Variants in SMCHD1 observed in about 807,000 individuals in gnomAD.
The protein encoded by SMCHD1 is structural maintenance of chromosomes flexible hinge domain-containing protein 1.
SMCHD1 carries 78 observed loss-of-function variants against 254.7 expected under a neutral mutation model. The observed-to-expected ratio is 0.31, with a 90% confidence interval of 0.26 to 0.37. SMCHD1 has a LOEUF of 0.37. Ranked by LOEUF, SMCHD1 falls within the 10% of genes least tolerant of loss-of-function variation. The pLI is 1.00. For missense variants in SMCHD1, 1,840 were observed against 2,408.1 expected, an observed-to-expected ratio of 0.76 and a Z score of 4.94; for synonymous variants, 766 against 794.9, an observed-to-expected ratio of 0.96 and a Z score of 0.61.
At chr18:2,664,687 C>G (rs1289405130) in intron 1 of SMCHD1, among the ~76,000 whole-genome samples, 1 of 152,198 alleles carries the variant, frequency 6.6e-6, no homozygotes, top group Non-Finnish European at 1.5e-5. Context: ...GTGGGTGTTT[C>G]ACCCACTCAT....
intron 25 of SMCHD1, 45 bp from the exon 26 acceptor site, chr18:2,738,352 A>T: frequency 9.2e-7 from 1 of 1,083,186 alleles, no homozygotes; most frequent in Non-Finnish European, 1.2e-6. Flanking sequence ...GTAAGAGAAC[A>T]TTAGACGAAG....
chr18:2,703,851 G>C lies in SMCHD1; in HGVS notation c.1807G>C (p.Glu603Gln). The change falls in exon 13 of 48, where the codon GAA becomes CAA. Residue 603 changes from glutamate to glutamine, a missense_variant. Physicochemically the swap from Glu to Gln is conservative, Grantham distance 29 (BLOSUM62 2). Around this residue, in one of 9 missense-constraint regions of SMCHD1, gnomAD observed 498 missense variants for 743.5 expected, o/e 0.67. Transcript: ENST00000320876. ...QGPWATYAAI[E>Q]WDGKIYKAGQ... The stretch of plus-strand genomic sequence containing the variant: ...TCCCTGGGCAACATATGCAGCAATA[G>C]AATGGGATGGAAAGATATACAAAGC... The C allele has an allele frequency of 6.2e-7, 1 of 1,610,270 alleles. No individual in the cohort carries two copies. Among genetic ancestry groups the C allele is most frequent in the Non-Finnish European group, 8.5e-7 (1 of 1,178,492 alleles).
intron 12 of SMCHD1, among the ~76,000 whole-genome samples, chr18:2,702,533 G>A (rs1041603477): frequency 1.3e-5 from 2 of 151,408 alleles, no homozygotes; most frequent in African/African-American, 4.8e-5. Flanking sequence ...CAGACTTTCT[G>A]GTTCCTAGTT....
intron 44 of SMCHD1, among the ~76,000 whole-genome samples, chr18:2,783,063 T>C (rs1289842929): frequency 6.6e-6 from 1 of 152,224 alleles, no homozygotes; most frequent in African/African-American, 2.4e-5. Flanking sequence ...CAATATTAGG[T>C]TGGACTACGT....
At chr18:2,688,358 C>A in intron 5 of SMCHD1, 36 bp from the exon 6 acceptor site, 1 of 1,457,888 alleles carries the variant, frequency 6.9e-7, no homozygotes, top group Non-Finnish European at 9.6e-7. Context: ...ACTTAACTAG[C>A]TTGTTTAAAA....
At chr18:2,729,229 A>G (rs539169749) in intron 23 of SMCHD1, 46 bp from the exon 24 acceptor site, 2 of 1,349,090 alleles carry the variant, frequency 1.5e-6, no homozygotes, top group South Asian at 3.8e-5. Context: ...GGAAGAATCA[A>G]ATATATTTAA....
chr18:2,773,075 T>G (rs2076010523), intron 41 of SMCHD1, among the ~76,000 whole-genome samples: 1 of 152,238 alleles, frequency 6.6e-6, no homozygotes, highest in Non-Finnish European at 1.5e-5. Context: ...TGATAGTTTT[T>G]TTATATGCCC....
At chr18:2,716,672 A>G (rs542059130) in intron 17 of SMCHD1, among the ~76,000 whole-genome samples, 1 of 152,208 alleles carries the variant, frequency 6.6e-6, no homozygotes, top group Non-Finnish European at 1.5e-5. Context: ...GGAGCAGAGC[A>G]ACCACTGCCA....
chr18:2,770,130 A>C, intron 39 of SMCHD1, 22 bp downstream of exon 39: 1 of 1,593,404 alleles, frequency 6.3e-7, no homozygotes, highest in Admixed American at 1.9e-5. Flanking sequence ...TGTATTCAAG[A>C]CAAAAATTAT....
chr18:2,702,217 G>T (rs2074415152), intron 12 of SMCHD1: 2 of 150,138 alleles, frequency 1.3e-5, no homozygotes, highest in East Asian at 3.9e-4. Context: ...TACTTGAGAG[G>T]CTGAGGCAGG....
intron 45 of SMCHD1, among the ~76,000 whole-genome samples, chr18:2,793,672 G>GAAAAAA (rs77607786): frequency 6.1e-5 from 4 of 65,880 alleles, no homozygotes; most frequent in African/African-American, 1.3e-4. Context: ...AAAAAAAAAA[G>GAAAAAA]AAAGAAAACA....
At chr18:2,696,191 G>A (rs910115700) in intron 8 of SMCHD1, among the ~76,000 whole-genome samples, 17 of 152,146 alleles carry the variant, frequency 1.1e-4, no homozygotes, top group African/African-American at 4.1e-4. Flanking sequence ...TACTAGTTTT[G>A]TTTTTGGAAT....
At chr18:2,729,845 A>T (rs1216609734) in intron 24 of SMCHD1, among the ~76,000 whole-genome samples, 2 of 151,920 alleles carry the variant, frequency 1.3e-5, no homozygotes, top group African/African-American at 4.8e-5. Context: ...AGTAACTGGG[A>T]CTATAGACAA....
chr18:2,683,447 T>C (rs1357360952), intron 5 of SMCHD1, among the ~76,000 whole-genome samples: 1 of 152,226 alleles, frequency 6.6e-6, no homozygotes, highest in Admixed American at 6.5e-5. Flanking sequence ...TGTCTTTCTA[T>C]TGATTTCAAG....
At chr18:2,665,210 G>T (rs944330740) in intron 1 of SMCHD1, among the ~76,000 whole-genome samples, 2 of 152,042 alleles carry the variant, frequency 1.3e-5, no homozygotes, top group African/African-American at 4.8e-5. Context: ...TGATTTTACA[G>T]TTCATGTGTT....
intron 4 of SMCHD1, among the ~76,000 whole-genome samples, chr18:2,673,615 T>C (rs1474243326): frequency 6.6e-6 from 1 of 152,250 alleles, no homozygotes; most frequent in Non-Finnish European, 1.5e-5. Context: ...ATATCATGAA[T>C]GTTCTGCAAT....
At chr18:2,754,468 A>G (rs1568315108) in intron 34 of SMCHD1, among the ~76,000 whole-genome samples, 2 of 152,234 alleles carry the variant, frequency 1.3e-5, no homozygotes, top group Admixed American at 6.5e-5. Context: ...TGGTGAAGTC[A>G]CAGAGTATGT....
In SMCHD1 at chr18:2,738,578, GCAA is replaced by G. The variant is rs1481835536; in HGVS notation, c.3425+37_3425+39del. The G allele has an allele frequency of 3.8e-6, 6 of 1,568,522 alleles. No individual in the cohort carries two copies. The Admixed American group carries it at 1.1e-4, about 30-fold the overall frequency. ...GACTCATTATATTTTGCAGCCTATGGCAACAAAATACTGTCCTCCATTGCACAT... is the reference window on the plus strand; with the variant it reads ...GACTCATTATATTTTGCAGCCTATGGCAAAATACTGTCCTCCATTGCACAT... On this transcript the variant is annotated intron_variant, in intron 26 of 47. Coordinates refer to ENST00000320876, the MANE Select transcript of SMCHD1 (RefSeq NM_015295.3).
chr18:2,656,196 G>C lies in SMCHD1; in HGVS notation c.121G>C (p.Gly41Arg), dbSNP rs1555622312. The C allele has an allele frequency of 1.3e-6, 2 of 1,505,886 alleles. No homozygotes were observed. Among genetic ancestry groups the C allele is most frequent in the Middle Eastern group, 1.7e-4 (1 of 5,732 alleles). The allele number at this position is 1,505,886 out of a possible 1,614,324, so 93.3% of individuals were successfully genotyped here. A position where few individuals can be genotyped will look rare whatever the true frequency, so the allele number is the denominator to read the frequency against. ...TCGGCGCGAAAAGGAGTCCGAGCTCGGGGACCGGCCTCTGCAGGTCGGGGA... is the reference window on the plus strand; with the variant it reads ...TCGGCGCGAAAAGGAGTCCGAGCTCCGGGACCGGCCTCTGCAGGTCGGGGA... ...FDRREKESEL[G>R]DRPLQVGERS... Residue 41 changes from glycine to arginine, a missense_variant, in exon 1 of 48, where the codon GGG (glycine) becomes CGG (arginine). This residue lies in a region of SMCHD1 where 115 missense variants were observed against 99.1 expected (regional missense o/e 1.16). Coordinates refer to ENST00000320876, the MANE Select transcript of SMCHD1 (RefSeq NM_015295.3).
Sources: allele counts gnomAD v4.1 joint callset (sites outside exome capture counted in the v4.1 genomes callset), GRCh38; gene constraint gnomAD v4.1.1; regional missense constraint gnomAD v4.1.1; transcripts MANE v1.5; gene names NCBI Gene and HGNC (gene_info 2026-07-23, HGNC 2026-07-21).